Variants in PLIN4 observed in about 807,000 individuals in gnomAD.
PLIN4 encodes the protein perilipin 4, also known as perilipin-4.
A neutral mutation model predicts 52.4 loss-of-function variants in PLIN4; 57 were observed. The observed-to-expected ratio is 1.09, with a 90% CI of 0.88 to 1.36. The LOEUF (loss-of-function observed/expected upper bound fraction) is 1.36. Among genes scored for constraint, PLIN4 ranks in the 40% most tolerant of loss-of-function variants. PLIN4 has a pLI of 0.00. For missense variants in PLIN4, 1,757 were observed against 1,770.3 expected, an observed-to-expected ratio of 0.99 and a Z score of 0.13; for synonymous variants, 826 against 785.4, an observed-to-expected ratio of 1.05 and a Z score of -0.86.
At chr19:4,516,472 C>T in intron 4 of PLIN4, 145 bp downstream of exon 4, 1 of 963,212 alleles carries the variant, frequency 1.0e-6, no homozygotes, top group Non-Finnish European at 1.5e-6. Context: ...TGCCTTCCCT[C>T]AGGCCCACAG....
chr19:4,507,408 C>T (rs1976127806), intron 6 of PLIN4, among the ~76,000 whole-genome samples: 1 of 152,204 alleles, frequency 6.6e-6, no homozygotes. Context: ...CCCATCTCTA[C>T]AAAAAATTTA....
chr19:4,509,310 C>CAAAAAAAA (rs71168909), intron 5 of PLIN4, among the ~76,000 whole-genome samples: 1,605 of 15,776 alleles, frequency 0.1, 404 homozygotes, highest in African/African-American at 0.23. Flanking sequence ...GACTCCGTCT[C>CAAAAAAAA]AAAAAAAAAA....
Position 4,504,442 on chromosome 19 carries a change from C to T in PLIN4, c.*17G>A. ...CAGAGCAGGGCGACCCCGCGCCGGG[C>T]CTGCAGGCTCCTACAGCTACTGCCC... On this transcript the variant is annotated 3_prime_UTR_variant, in exon 8 of 8. Coordinates refer to ENST00000301286, the MANE Select transcript of PLIN4 (RefSeq NM_001367868.2). 5 of 1,535,552 alleles carry T rather than the reference C, an allele frequency of 3.3e-6. No homozygotes were observed. The highest frequency in any genetic ancestry group is 3.5e-6 in the Non-Finnish European group (4 of 1,141,492).
chr19:4,505,004 C>A, intron 6 of PLIN4, 57 bp from the exon 7 acceptor site: 1 of 1,449,642 alleles, frequency 6.9e-7, no homozygotes, highest in South Asian at 1.2e-5. Context: ...CCTTTCACAA[C>A]CCCCACCTCC....
rs1975993950 is a variant in PLIN4, at chr19:4,503,578, C to T, written c.*881G>A. On this transcript the variant is annotated 3_prime_UTR_variant, in exon 8 of 8. Transcript: ENST00000301286. ...TGTTCCCAGCCCTGTCTGATCCCTC[C>T]ATAGGGCACAGTTCCCTGCGGGGAA... 6.6e-6 allele frequency: 1 copy of T among 152,362 alleles called. No individual in the cohort carries two copies. Among genetic ancestry groups the T allele is most frequent in the Admixed American group, 6.5e-5 (1 of 15,288 alleles). 9.4% of individuals were successfully genotyped at this position (152,362 alleles called of 1,614,324 possible).
At chr19:4,517,319 G>A (rs1482477711) in intron 3 of PLIN4, among the ~76,000 whole-genome samples, 2 of 13,290 alleles carry the variant, frequency 1.5e-4, no homozygotes, top group East Asian at 4.0e-3. Context: ...CCGAGGGACT[G>A]AGTGGGGGGG....
intron 4 of PLIN4, among the ~76,000 whole-genome samples, chr19:4,514,239 C>T (rs1976525598): frequency 6.6e-6 from 1 of 152,108 alleles, no homozygotes. Flanking sequence ...ATCACTTGAG[C>T]CCAGGAGTTT....
Position 4,512,796 on chromosome 19 carries a change from G to GC in PLIN4, c.1163dup (p.Leu389ProfsTer111), listed in dbSNP as rs766386520. Reference sequence around the variant, plus strand: ...TGACCATAGACTTGGTGGTATCCAGGCCCCCCTGGATGGCCTCTTTGGCCA... The same window carrying GC: ...TGACCATAGACTTGGTGGTATCCAGGCCCCCCCTGGATGGCCTCTTTGGCCA... On this transcript the variant is annotated frameshift_variant, in exon 5 of 8. Transcript: ENST00000301286. LOFTEE classifies it high-confidence loss of function. 1.0e-5 allele frequency: 16 copies of GC among 1,563,934 alleles called. 1 individual carries two copies. Among genetic ancestry groups the GC allele is most frequent in the South Asian group, 3.3e-5 (3 of 89,910 alleles).
rs1247418819 is a variant in PLIN4, at chr19:4,517,612, C to T, written c.138G>A (p.Arg46=). 2 of 1,610,480 alleles carry T rather than the reference C, an allele frequency of 1.2e-6. No individual in the cohort carries two copies. The highest frequency in any genetic ancestry group is 1.3e-5 in the African/African-American group (1 of 75,010). The change falls in exon 3 of 8, where the codon CGG becomes CGA. Residue 46 remains arginine (R), a synonymous_variant. Coordinates refer to ENST00000301286, the MANE Select transcript of PLIN4 (RefSeq NM_001367868.2). ...VANAHSSARA[R]PAADPTGAPA... ...GCGCTCCTGTGGGGTCAGCGGCCGG[C>T]CGGGCTCTCGCCGAGCTATGTGCGT...
chr19:4,511,853 C>G lies in PLIN4; in HGVS notation c.2107G>C (p.Gly703Arg), dbSNP rs763309544. ...LTGTKDTVTTGLMGAVNVAKG... is the reference protein window; with the variant it reads ...LTGTKDTVTTRLMGAVNVAKG... Reference sequence around the variant, plus strand: ...GCGACATTCACTGCCCCCATGAGCCCAGTAGTGACTGTGTCCTTGGTGCCG... The same window carrying G: ...GCGACATTCACTGCCCCCATGAGCCGAGTAGTGACTGTGTCCTTGGTGCCG... The change falls in exon 5 of 8, where the codon GGG becomes CGG. Residue 703 changes from glycine to arginine, a missense_variant. Gly to Arg is a moderately radical substitution (Grantham distance 125). Around this residue, in one of 7 missense-constraint regions of PLIN4, gnomAD observed 96 missense variants for 136.5 expected, o/e 0.70. Transcript: ENST00000301286. 1.9e-6 allele frequency: 3 copies of G among 1,610,386 alleles called. No homozygotes were observed. Among genetic ancestry groups the G allele is most frequent in the Non-Finnish European group, 1.7e-6 (2 of 1,176,818 alleles).
Position 4,512,952 on chromosome 19 carries a change from G to A in PLIN4, c.1008C>T (p.Thr336=), listed in dbSNP as rs532455461. The change falls in exon 5 of 8, where the codon ACC becomes ACT. Residue 336 remains threonine, a synonymous_variant. Transcript: ENST00000301286. Reference sequence around the variant, plus strand: ...TGGCACCAGTCACCCCACTACAGACGGTGTCCTTGGTACCTGTTAGGACAG... The same window carrying A: ...TGGCACCAGTCACCCCACTACAGACAGTGTCCTTGGTACCTGTTAGGACAG... ...SKTVLTGTKD[T]VCSGVTGAMN... 1.3e-4 allele frequency: 95 copies of A among 713,566 alleles called. 6 individuals are homozygous for A. The South Asian group carries it at 1.4e-3, about 11-fold the overall frequency. 44.2% of individuals were successfully genotyped at this position (713,566 alleles called of 1,614,324 possible).
chr19:4,513,624 G>T lies in PLIN4; in HGVS notation c.336C>A (p.Ser112Arg). The change falls in exon 5 of 8, where the codon AGC (serine) becomes AGA (arginine). Residue 112 changes from serine (S) to arginine (R), a missense_variant. This residue lies in a region of PLIN4 where 332 missense variants were observed against 310.8 expected (regional missense o/e 1.07). Coordinates refer to ENST00000301286, the MANE Select transcript of PLIN4 (RefSeq NM_001367868.2). ...AKDAVSSGVA[S>R]VVDVAKGVVQ... The stretch of plus-strand genomic sequence containing the variant: ...CCACTCCCTTAGCCACGTCCACCAC[G>T]CTGGCCACCCCGGAGGACACGGCAT... The T allele has an allele frequency of 6.2e-7, 1 of 1,609,598 alleles. No individual in the cohort carries two copies. Among genetic ancestry groups the T allele is most frequent in the Non-Finnish European group, 8.5e-7 (1 of 1,178,200 alleles).
Position 4,512,442 on chromosome 19 carries a change from G to A in PLIN4, c.1518C>T (p.Leu506=). The A allele has an allele frequency of 1.1e-5, 17 of 1,609,970 alleles. No individual in the cohort carries two copies. The highest frequency in any genetic ancestry group is 1.4e-5 in the Non-Finnish European group (17 of 1,178,880). ...CTTTGGCCACGTTCACAGCCCCTGT[G>A]AGCCCAGTGGACACAGCATCTTTAG... ...TGTKDAVSTG[L]TGAVNVAKGT... Residue 506 remains leucine (L), a synonymous_variant, in exon 5 of 8, where the codon CTC becomes CTT. Transcript: ENST00000301286.
At chr19:4,504,969 G>A (rs778555753) in intron 6 of PLIN4, 22 bp from the exon 7 acceptor site, 10 of 1,581,424 alleles carry the variant, frequency 6.3e-6, no homozygotes, top group Admixed American at 1.8e-5. Context: ...GTACAGTGGG[G>A]AAATGATGGC....
At chr19:4,510,396 C>T (rs1409672004) in intron 5 of PLIN4, 50 bp downstream of exon 5, 3 of 1,356,608 alleles carry the variant, frequency 2.2e-6, no homozygotes, top group Non-Finnish European at 2.9e-6. Context: ...CAAGGACCTG[C>T]TAGCAGCTGT....
In PLIN4 at chr19:4,513,614, C is replaced by T. The variant is rs370733847; in HGVS notation, c.346G>A (p.Val116Met). The T allele has an allele frequency of 9.3e-6, 15 of 1,608,040 alleles. No homozygotes were observed. Among genetic ancestry groups the T allele is most frequent in the Middle Eastern group, 3.3e-4 (2 of 6,054 alleles). ...CCTCCCTGGACCACTCCCTTAGCCA[C>T]GTCCACCACGCTGGCCACCCCGGAG... Reference protein sequence around the residue: ...VSSGVASVVDVAKGVVQGGLD... With the variant: ...VSSGVASVVDMAKGVVQGGLD... The change falls in exon 5 of 8, where the codon GTG (valine) becomes ATG (methionine). Residue 116 changes from valine (V) to methionine (M), a missense_variant. By Grantham distance (21) the Val-to-Met change is conservative (BLOSUM62 1). This residue lies in a region of PLIN4 where 332 missense variants were observed against 310.8 expected (regional missense o/e 1.07). Transcript: ENST00000301286.
At position 4,504,392 on chromosome 19, in the gene PLIN4, A is replaced by G. The variant is rs1976019348; in HGVS notation, c.*67T>C. 1 of 1,384,890 alleles carries G rather than the reference A, an allele frequency of 7.2e-7. No homozygotes were observed. The highest frequency in any genetic ancestry group is 1.5e-5 in the South Asian group (1 of 65,546). The allele number at this position is 1,384,890 out of a possible 1,614,324, so 85.8% of individuals were successfully genotyped here. ...GATCCAGGTTTGGGGGCGGGGAGAA[A>G]GTTCTGAGGCAGCTCCTCCCTGGAC... On this transcript the variant is annotated 3_prime_UTR_variant, in exon 8 of 8. Coordinates refer to ENST00000301286, the MANE Select transcript of PLIN4 (RefSeq NM_001367868.2).
At chr19:4,517,761 G>A (rs1164437915) in intron 2 of PLIN4, 63 bp from the exon 3 acceptor site, 7 of 1,526,004 alleles carry the variant, frequency 4.6e-6, no homozygotes, top group East Asian at 2.5e-5. Context: ...CGGGTCAGAG[G>A]AAGCATCGAT....
In PLIN4 at chr19:4,504,781, C is replaced by A; in HGVS notation, c.3794G>T (p.Arg1265Leu). ...GACCCTGGACAGAACCCCGGCATCC[C>A]GCTCCTGTGGGAGGAAGGCGCAAGG... ...SAEDAAVQEE[R>L]DAGVLSRVCG... is the part of the protein sequence containing the mutation. Residue 1265 changes from arginine to leucine, a missense_variant, in exon 8 of 8, where the codon CGG becomes CTG. Transcript: ENST00000301286. 6.3e-7 allele frequency: 1 copy of A among 1,599,788 alleles called. No homozygotes were observed. The highest frequency in any genetic ancestry group is 2.2e-5 in the East Asian group (1 of 44,488).
Sources: allele counts gnomAD v4.1 joint callset (sites outside exome capture counted in the v4.1 genomes callset), GRCh38; gene constraint gnomAD v4.1.1; regional missense constraint gnomAD v4.1.1; transcripts MANE v1.5; gene names NCBI Gene and HGNC (gene_info 2026-07-23, HGNC 2026-07-21).